PDE1A: variants seen among roughly 807,000 people sequenced by gnomAD.
The protein encoded by PDE1A is dual specificity calcium/calmodulin-dependent 3',5'-cyclic nucleotide phosphodiesterase 1A.
Under a neutral mutation model 61.7 loss-of-function variants are expected in PDE1A, and 35 were observed. The observed-to-expected ratio is 0.57, with a 90% CI of 0.43 to 0.75. The LOEUF is 0.75. Ranked by LOEUF, PDE1A falls within the 30% of genes least tolerant of loss-of-function variation. The probability of loss-of-function intolerance (pLI) is 0.00; values close to 1 mark genes in which losing one functional copy is unlikely to be tolerated. For synonymous variants in PDE1A, 232 were observed against 213.2 expected (o/e 1.09, Z -0.77); for missense variants, 597 against 630.6 (o/e 0.95, Z 0.57).
At chr2:182,562,332 G>A in the PDE1A span, among the ~76,000 whole-genome samples, 6 of 149,186 alleles carry the variant, frequency 4.0e-5, no homozygotes, top group African/African-American at 1.5e-4. Flanking sequence ...TTTGTCTTTG[G>A]TTCTGTTTAT....
chr2:182,568,575 A>G, the PDE1A span, among the ~76,000 whole-genome samples: 27 of 152,238 alleles, frequency 1.8e-4, no homozygotes, highest in African/African-American at 6.0e-4. Context: ...CTGAGGCAGG[A>G]GAATGGCATG....
At chr2:182,519,918 T>C (rs1690461120) in intron 2 of PDE1A, among the ~76,000 whole-genome samples, 1 of 151,928 alleles carries the variant, frequency 6.6e-6, no homozygotes, top group Non-Finnish European at 1.5e-5. Context: ...AATATATTTA[T>C]AAAGTACAAG....
the PDE1A span, among the ~76,000 whole-genome samples, chr2:182,686,270 A>G: frequency 6.6e-6 from 1 of 152,230 alleles, no homozygotes. Flanking sequence ...GACTTATATG[A>G]ATAGATTTCC....
At chr2:182,657,179 C>T in the PDE1A span, among the ~76,000 whole-genome samples, 1 of 152,052 alleles carries the variant, frequency 6.6e-6, no homozygotes, top group Admixed American at 6.6e-5. Context: ...GCCAAGGTCG[C>T]GCCACTGCAC....
the PDE1A span, among the ~76,000 whole-genome samples, chr2:182,560,584 T>A: frequency 6.6e-6 from 1 of 152,040 alleles, no homozygotes; most frequent in East Asian, 1.9e-4. Context: ...TACCCAGTAA[T>A]GGGATGGCTG....
intron 2 of PDE1A, among the ~76,000 whole-genome samples, chr2:182,513,132 C>G (rs1374980298): frequency 6.6e-6 from 1 of 152,018 alleles, no homozygotes; most frequent in Non-Finnish European, 1.5e-5. Context: ...ATGACCATCC[C>G]TAAGACACAT....
At chr2:182,691,668 T>A in the PDE1A span, among the ~76,000 whole-genome samples, 8 of 152,018 alleles carry the variant, frequency 5.3e-5, no homozygotes, top group African/African-American at 1.9e-4. Context: ...ACAAAAGCCA[T>A]AATTGACAAA....
chr2:182,246,312 G>A lies in PDE1A; in HGVS notation c.168-6020C>T, dbSNP rs1690940308. Among the ~76,000 whole-genome samples, 7 of 152,060 alleles carry A rather than the reference G, an allele frequency of 4.6e-5. No individual in the cohort carries two copies. The South Asian group carries it at 1.5e-3, about 32-fold the overall frequency. Reference sequence around the variant, plus strand: ...ATCATTTCCTTACTGCATTTAGGTAGAGAGGGCATCCCTGTGCCTGCCCCC... The same window carrying A: ...ATCATTTCCTTACTGCATTTAGGTAAAGAGGGCATCCCTGTGCCTGCCCCC... On this transcript the variant is annotated intron_variant, in intron 2 of 13. Transcript: ENST00000351439.
At chr2:182,630,902 A>G in the PDE1A span, among the ~76,000 whole-genome samples, 1 of 152,006 alleles carries the variant, frequency 6.6e-6, no homozygotes, top group Admixed American at 6.6e-5. Context: ...CTTCAATTTA[A>G]TATTTATTAA....
chr2:182,522,785 T>A (rs904786005), upstream of PDE1A: 11 of 477,736 alleles, frequency 2.3e-5, no homozygotes, highest in Non-Finnish European at 2.7e-5. Flanking sequence ...GTGAATGACT[T>A]TCGCGCTCCA....
At chr2:182,672,430 A>G in the PDE1A span, among the ~76,000 whole-genome samples, 1 of 152,260 alleles carries the variant, frequency 6.6e-6, no homozygotes, top group South Asian at 2.1e-4. Flanking sequence ...CAAATAACTC[A>G]GAAACCTTTA....
intron 2 of PDE1A, among the ~76,000 whole-genome samples, chr2:182,470,561 A>G (rs1295734589): frequency 6.6e-6 from 1 of 151,844 alleles, no homozygotes; most frequent in Non-Finnish European, 1.5e-5. Flanking sequence ...ATATGATAAC[A>G]CTGTGAAGTC....
intron 1 of PDE1A, among the ~76,000 whole-genome samples, chr2:182,295,623 A>C (rs960816021): frequency 6.6e-6 from 1 of 152,216 alleles, no homozygotes; most frequent in Non-Finnish European, 1.5e-5. Flanking sequence ...TCAGAATTTT[A>C]AATGAGTTCC....
chr2:182,190,920 C>G (rs1175701394), intron 10 of PDE1A, among the ~76,000 whole-genome samples: 1 of 152,048 alleles, frequency 6.6e-6, no homozygotes, highest in Admixed American at 6.6e-5. Flanking sequence ...TGCACCACTG[C>G]ACTCCAGCCT....
At chr2:182,650,288 C>G in the PDE1A span, among the ~76,000 whole-genome samples, 5 of 152,148 alleles carry the variant, frequency 3.3e-5, no homozygotes, top group Non-Finnish European at 5.9e-5. Flanking sequence ...TTTTTAAAAA[C>G]CTACTAACAA....
chr2:182,414,697 A>G (rs139363824), intron 1 of PDE1A, among the ~76,000 whole-genome samples: 1 of 152,302 alleles, frequency 6.6e-6, no homozygotes, highest in Non-Finnish European at 1.5e-5. Context: ...ATTCAAGCGA[A>G]GGTCCTTCAT....
chr2:182,477,768 C>T (rs781674270), intron 2 of PDE1A, among the ~76,000 whole-genome samples: 3 of 151,936 alleles, frequency 2.0e-5, no homozygotes, highest in East Asian at 1.9e-4. Flanking sequence ...TGCATAGTTA[C>T]GGTAAACGAC....
At chr2:182,240,432 G>T (rs1025593055) in intron 2 of PDE1A, 140 bp from the exon 3 acceptor site, 3 of 490,458 alleles carry the variant, frequency 6.1e-6, no homozygotes, top group African/African-American at 6.0e-5. Flanking sequence ...TCTAAAGAAA[G>T]AAAAAAAATT....
At chr2:182,653,759 G>A in the PDE1A span, among the ~76,000 whole-genome samples, 1 of 152,148 alleles carries the variant, frequency 6.6e-6, no homozygotes, top group Admixed American at 6.5e-5. Context: ...AGCAGCACTA[G>A]TAGCCCACTC....
Sources: gnomAD v4.1 joint callset for allele counts (sites outside exome capture counted in the v4.1 genomes callset) on GRCh38, gnomAD v4.1.1 for gene constraint, MANE v1.5 for transcripts, NCBI Gene and HGNC (gene_info 2026-07-23, HGNC 2026-07-21) for gene names.